The following RPTOR variants were observed in gnomAD, a reference collection of about 807,000 sequenced individuals.
RPTOR encodes regulatory associated protein of MTOR complex 1, also known as regulatory-associated protein of mTOR.
A neutral mutation model predicts 169.9 loss-of-function variants in RPTOR; 21 were observed. That is an observed-to-expected ratio of 0.12 (90% confidence interval 0.09 to 0.18). RPTOR has a LOEUF of 0.18. RPTOR is among the 10% of genes least tolerant of loss of function. The pLI, the probability that RPTOR is intolerant of heterozygous loss-of-function variation, is 1.00. For synonymous variants in RPTOR, 732 were observed against 753.2 expected (o/e 0.97, Z 0.46); for missense variants, 1,133 against 1,855.9 (o/e 0.61, Z 7.16).
chr17:80,600,859 C>T (rs920928966), intron 1 of RPTOR, among the ~76,000 whole-genome samples: 1 of 76,158 alleles, frequency 1.3e-5, no homozygotes, highest in Admixed American at 1.1e-4. Flanking sequence ...CATCTCCCGC[C>T]GCACGTGCCC....
intron 13 of RPTOR, among the ~76,000 whole-genome samples, chr17:80,871,587 T>C (rs926560721): frequency 2.0e-5 from 3 of 152,224 alleles, no homozygotes; most frequent in African/African-American, 7.2e-5. Flanking sequence ...GGCTGCTCTT[T>C]GGAAGGAAGT....
At chr17:80,634,348 A>ATACTGTGCG (rs1567830633) in intron 2 of RPTOR, among the ~76,000 whole-genome samples, 2 of 34,492 alleles carry the variant, frequency 5.8e-5, no homozygotes, top group Non-Finnish European at 5.9e-5. Context: ...TACTGTGTGC[A>ATACTGTGCG]TGTGCGTACT....
intron 13 of RPTOR, among the ~76,000 whole-genome samples, chr17:80,872,166 G>A (rs1044980022): frequency 6.6e-6 from 1 of 152,218 alleles, no homozygotes; most frequent in African/African-American, 2.4e-5. Context: ...AGGAGGGGCT[G>A]TTGAGGGGAC....
At chr17:80,869,567 A>G (rs73351993) in intron 13 of RPTOR, among the ~76,000 whole-genome samples, 4,266 of 152,282 alleles carry the variant, frequency 0.028, 200 homozygotes, top group African/African-American at 0.096. Flanking sequence ...TGGATCAAAA[A>G]TCAGAGGCTC....
chr17:80,573,344 A>G lies in RPTOR; in HGVS notation c.162+27553A>G, dbSNP rs182457986. Among the ~76,000 whole-genome samples the G allele has an allele frequency of 1.1e-4, 17 of 152,312 alleles. No individual in the cohort carries two copies. The East Asian group carries it at 3.1e-3, about 28-fold the overall frequency. ...GGGATTGCACTGAGCCTATACATCA[A>G]TTTGGACAGATTTGATATCTTTTCA... On this transcript the variant is annotated intron_variant, in intron 1 of 33. Transcript: ENST00000306801.
rs1186710311 is a variant in RPTOR at position 80,936,567 on chromosome 17, T to C, written c.2920-3929T>C. Among the ~76,000 whole-genome samples the C allele has an allele frequency of 1.3e-5, 2 of 152,202 alleles. No individual in the cohort carries two copies. Among genetic ancestry groups the C allele is most frequent in the African/African-American group, 2.4e-5 (1 of 41,456 alleles). The stretch of plus-strand genomic sequence containing the variant: ...GTGGCACAGATGCATCTCAAGTGTA[T>C]CATGCTAAATGGAAGAAGCTGCTCA... On this transcript the variant is annotated intron_variant, in intron 24 of 33. Transcript: ENST00000306801. This position sits in a 1 kb window ranked among gnomAD's most constrained non-coding sequence, Gnocchi z 4.1.
chr17:80,874,610 C>T (rs773215803), intron 13 of RPTOR, among the ~76,000 whole-genome samples: 6 of 152,254 alleles, frequency 3.9e-5, no homozygotes, highest in Middle Eastern at 3.4e-3. Context: ...TTGCACTGCT[C>T]GGTGGATGTT....
At chr17:80,729,509 C>T (rs58691767) in intron 4 of RPTOR, among the ~76,000 whole-genome samples, 13,126 of 152,236 alleles carry the variant, frequency 0.086, 627 homozygotes, top group African/African-American at 0.13. Context: ...TCTGTTCAGG[C>T]GCTGAACAGT....
chr17:80,704,341 C>T (rs959850513), intron 3 of RPTOR, among the ~76,000 whole-genome samples: 7 of 152,180 alleles, frequency 4.6e-5, no homozygotes, highest in Non-Finnish European at 7.3e-5. Flanking sequence ...AGCCAACATT[C>T]AGGTATTTAG....
rs748393101 is a variant in RPTOR, at chr17:80,846,550, C to G, written c.1290C>G (p.Pro430=). The G allele has an allele frequency of 2.5e-6, 4 of 1,614,224 alleles. No homozygotes were observed. The highest frequency in any genetic ancestry group is 3.4e-6 in the Non-Finnish European group (4 of 1,180,008). Reference sequence around the variant, plus strand: ...TGGGCGTGGAGAACCGAAACCCACCCGAACAGCTGCCCATCGTCCTGCAGG... The same window carrying G: ...TGGGCGTGGAGAACCGAAACCCACCGGAACAGCTGCCCATCGTCCTGCAGG... The part of the protein sequence containing the change: ...LTMGVENRNP[P]EQLPIVLQVL... Residue 430 remains proline, a synonymous_variant, in exon 11 of 34, where the codon CCC becomes CCG. Coordinates refer to ENST00000306801, the MANE Select transcript of RPTOR (RefSeq NM_020761.3).
chr17:80,853,341 G>A (rs1407969052), intron 11 of RPTOR, among the ~76,000 whole-genome samples: 1 of 152,146 alleles, frequency 6.6e-6, no homozygotes, highest in East Asian at 1.9e-4. Context: ...TCCAGGACCC[G>A]CTGCCCAGCT....
At chr17:80,846,122 G>C (rs575700219) in intron 10 of RPTOR, among the ~76,000 whole-genome samples, 2 of 152,280 alleles carry the variant, frequency 1.3e-5, no homozygotes, top group Non-Finnish European at 2.9e-5. Context: ...GGGGTCCCCT[G>C]CCCCCGGCAT....
chr17:80,640,771 A>C (rs1450347217), intron 2 of RPTOR, among the ~76,000 whole-genome samples: 1 of 151,218 alleles, frequency 6.6e-6, no homozygotes, highest in East Asian at 1.9e-4. Flanking sequence ...GTGAAATCCA[A>C]GGAGGGGGTA....
intron 9 of RPTOR, among the ~76,000 whole-genome samples, chr17:80,837,558 G>T (rs1334657875): frequency 1.3e-5 from 2 of 152,238 alleles, no homozygotes; most frequent in Admixed American, 1.3e-4. Context: ...TAGAACACGT[G>T]GGCTGCCAGT....
intron 21 of RPTOR, among the ~76,000 whole-genome samples, chr17:80,916,595 C>G (rs554429319): frequency 6.6e-6 from 1 of 152,228 alleles, no homozygotes; most frequent in Non-Finnish European, 1.5e-5. Context: ...AGTAAAAACT[C>G]GGGCAAAGGC....
intron 17 of RPTOR, among the ~76,000 whole-genome samples, chr17:80,885,649 TCTC>T (rs1325364613): frequency 6.6e-6 from 1 of 152,110 alleles, no homozygotes; most frequent in Non-Finnish European, 1.5e-5. Flanking sequence ...GTTCATGCCA[TCTC>T]CTCCTCAGCC....
At position 80,583,186 on chromosome 17, in the gene RPTOR, T is replaced by TTG. The variant is rs1555717380; in HGVS notation, c.162+37396_162+37397insGT. Among the ~76,000 whole-genome samples the TTG allele has an allele frequency of 2.0e-3, 226 of 113,030 alleles. 2 individuals are homozygous for TTG. Among genetic ancestry groups the TTG allele is most frequent in the African/African-American group, 7.0e-3 (214 of 30,720 alleles). The allele number at this position is 113,030 out of a possible 152,430, so 74.2% of individuals were successfully genotyped here. A position where few individuals can be genotyped will look rare whatever the true frequency, so the allele number is the denominator to read the frequency against. On this transcript the variant is annotated intron_variant, in intron 1 of 33. Transcript: ENST00000306801. ...CCTGTCCACTGCCTCTTTCCTGTTT[T>TTG]TTTTTTTTTTTTTTTTTTTTGAGAC...
chr17:80,806,482 A>G (rs1309227060), intron 7 of RPTOR, among the ~76,000 whole-genome samples: 1 of 152,150 alleles, frequency 6.6e-6, no homozygotes, highest in Non-Finnish European at 1.5e-5. Context: ...GTGAATATGT[A>G]TCTTTATATG....
intron 3 of RPTOR, among the ~76,000 whole-genome samples, chr17:80,674,562 T>C (rs1008378166): frequency 6.6e-6 from 1 of 152,180 alleles, no homozygotes; most frequent in South Asian, 2.1e-4. Flanking sequence ...CTTTTCTACC[T>C]GAGCTTAGCT....
Sources: allele counts gnomAD v4.1 joint callset (sites outside exome capture counted in the v4.1 genomes callset), GRCh38; gene constraint gnomAD v4.1.1; non-coding constraint Gnocchi (gnomAD v3.1); transcripts MANE v1.5; gene names NCBI Gene and HGNC (gene_info 2026-07-23, HGNC 2026-07-21).